The following TUT7 variants were observed in gnomAD, a reference collection of about 807,000 sequenced individuals.
TUT7 encodes the protein terminal uridylyltransferase 7.
TUT7 carries 33 observed loss-of-function variants against 165.9 expected under a neutral mutation model. The ratio of observed to expected loss-of-function variants is 0.20; its 90% CI spans 0.15 to 0.27. TUT7 has a LOEUF of 0.27. Among genes scored for constraint, TUT7 ranks in the 10% least tolerant of loss-of-function variants. TUT7 has a pLI of 1.00. For missense variants in TUT7, 1,338 were observed against 1,762.3 expected (o/e 0.76, Z 4.31); for synonymous variants, 552 against 608.1 (o/e 0.91, Z 1.36).
At chr9:86,314,572 C>A (rs2131380596) in intron 17 of TUT7, among the ~76,000 whole-genome samples, 1 of 152,314 alleles carries the variant, frequency 6.6e-6, no homozygotes, top group African/African-American at 2.4e-5. Context: ...ATCCTTACTT[C>A]CTACTTGCAG....
chr9:86,307,562 T>TA (rs540586827), intron 22 of TUT7, among the ~76,000 whole-genome samples: 3 of 152,162 alleles, frequency 2.0e-5, no homozygotes, highest in Non-Finnish European at 2.9e-5. Flanking sequence ...TTATTAAAAT[T>TA]AAAAAAATAT....
intron 17 of TUT7, among the ~76,000 whole-genome samples, chr9:86,316,564 T>G (rs768496590): frequency 3.3e-5 from 5 of 152,242 alleles, no homozygotes; most frequent in Admixed American, 6.5e-5. Flanking sequence ...AATTAGCAAC[T>G]CCTACACTTT....
In TUT7 at chr9:86,323,823, G is replaced by T; in HGVS notation, c.1927C>A (p.Pro643Thr). 6.2e-7 allele frequency: 1 copy of T among 1,613,972 alleles called. No homozygotes were observed. The highest frequency in any genetic ancestry group is 8.5e-7 in the Non-Finnish European group (1 of 1,179,870). The change falls in exon 13 of 27, where the codon CCT becomes ACT. Residue 643 changes from proline to threonine, a missense_variant. By Grantham distance (38) the Pro-to-Thr change is conservative. Transcript: ENST00000375963. ...HKITKSSLLK[P>T]LNAITCISEH... ...GAAATACATGTAATTGCATTCAGAGGCTTTAGAAGGCTGGATTTTGTAATT... is the reference window on the plus strand; with the variant it reads ...GAAATACATGTAATTGCATTCAGAGTCTTTAGAAGGCTGGATTTTGTAATT...
chr9:86,317,176 T>C, intron 17 of TUT7, 43 bp downstream of exon 17: 2 of 1,568,574 alleles, frequency 1.3e-6, no homozygotes, highest in Non-Finnish European at 1.8e-6. Flanking sequence ...AAAACACTAA[T>C]TAAAAAGTCA....
chr9:86,309,631 C>A, intron 19 of TUT7, 55 bp from the exon 20 acceptor site: 1 of 1,381,142 alleles, frequency 7.2e-7, no homozygotes, highest in South Asian at 1.2e-5. Flanking sequence ...GCTAACTTTG[C>A]ATCCATTCTG....
chr9:86,313,165 TAAA>T (rs905368264), intron 17 of TUT7, among the ~76,000 whole-genome samples: 1 of 138,734 alleles, frequency 7.2e-6, no homozygotes, highest in Non-Finnish European at 1.6e-5. Flanking sequence ...AATAAATAAA[TAAA>T]AAGAATTATC....
chr9:86,336,848 CAGAA>C (rs1396328016), intron 10 of TUT7: 3 of 152,164 alleles, frequency 2.0e-5, no homozygotes, highest in Admixed American at 6.5e-5. Flanking sequence ...TTAATTTATC[CAGAA>C]AGAAAGAGTG....
chr9:86,309,613 T>C (rs2131349182), intron 19 of TUT7, 37 bp from the exon 20 acceptor site: 3 of 1,486,022 alleles, frequency 2.0e-6, no homozygotes, highest in East Asian at 4.5e-5. Flanking sequence ...AGGAAAGGTC[T>C]GTTTTCTGCT....
chr9:86,307,918 C>T (rs1827661665), intron 22 of TUT7, among the ~76,000 whole-genome samples: 1 of 152,072 alleles, frequency 6.6e-6, no homozygotes, highest in Non-Finnish European at 1.5e-5. Context: ...TGCTTGAACC[C>T]AGGAGGCGGA....
intron 2 of TUT7, among the ~76,000 whole-genome samples, chr9:86,348,150 C>A (rs1280485023): frequency 6.6e-6 from 1 of 152,088 alleles, no homozygotes; most frequent in African/African-American, 2.4e-5. Flanking sequence ...TCCATATAAC[C>A]ATATTTGCTG....
In TUT7 at chr9:86,305,197, C is replaced by T; in HGVS notation, c.3881G>A (p.Arg1294Lys). ...TGACAAACGAAGTAACTCACTTTTC[C>T]TTGATAATCCAGCTCCAAGATTATG... ...LNHNLGAGLSRKMTNFIMKAF... is the reference protein window; with the variant it reads ...LNHNLGAGLSKKMTNFIMKAF... The change falls in exon 23 of 27, where the codon AGG becomes AAG. Residue 1294 changes from arginine to lysine, a missense_variant. Transcript: ENST00000375963. 6.3e-7 allele frequency: 1 copy of T among 1,598,738 alleles called. No homozygotes were observed. Among genetic ancestry groups the T allele is most frequent in the Non-Finnish European group, 8.5e-7 (1 of 1,175,126 alleles).
chr9:86,290,602 G>A (rs945077926), intron 26 of TUT7, among the ~76,000 whole-genome samples: 1 of 151,576 alleles, frequency 6.6e-6, no homozygotes, highest in South Asian at 2.1e-4. Flanking sequence ...AGCACTTTGG[G>A]AGGCCAAGGC....
rs891500797 is a variant in TUT7 at position 86,311,759 on chromosome 9, G to A, written c.3275-950C>T. On this transcript the variant is annotated intron_variant, in intron 17 of 26. Transcript: ENST00000375963. This position sits in a 1 kb window ranked among gnomAD's most constrained non-coding sequence, Gnocchi z 4.4. Reference sequence around the variant, plus strand: ...CTCAGCCTGCCGAGTGCCTGCGATTGCAGGTGCGCGCCGCCACGCCTGACT... The same window carrying A: ...CTCAGCCTGCCGAGTGCCTGCGATTACAGGTGCGCGCCGCCACGCCTGACT... 6.6e-6 allele frequency among the ~76,000 whole-genome samples: 1 copy of A among 152,164 alleles called. No homozygotes were observed. Among genetic ancestry groups the A allele is most frequent in the Non-Finnish European group, 1.5e-5 (1 of 68,038 alleles).
intron 14 of TUT7, 37 bp downstream of exon 14, chr9:86,322,288 A>C (rs746540392): frequency 6.3e-6 from 10 of 1,577,822 alleles, no homozygotes; most frequent in Non-Finnish European, 8.7e-6. Context: ...TGTCAATTTA[A>C]TATTTTGACA....
intron 17 of TUT7, 36 bp from the exon 18 acceptor site, chr9:86,310,845 G>A (rs1455808863): frequency 1.7e-6 from 2 of 1,196,866 alleles, no homozygotes; most frequent in South Asian, 2.4e-5. Context: ...ATTAAATACA[G>A]CAGCTGGGGA....
chr9:86,309,701 G>T, intron 19 of TUT7, 125 bp from the exon 20 acceptor site: 1 of 956,004 alleles, frequency 1.0e-6, no homozygotes, highest in Non-Finnish European at 1.6e-6. Context: ...ATTGTCAAAG[G>T]CAAAACCAAT....
chr9:86,306,823 A>G (rs1827544395), intron 22 of TUT7, among the ~76,000 whole-genome samples: 1 of 152,132 alleles, frequency 6.6e-6, no homozygotes, highest in Admixed American at 6.5e-5. Flanking sequence ...ACAAACGACT[A>G]CTATCACCAC....
At position 86,311,989 on chromosome 9, in the gene TUT7, G is replaced by A. The variant is rs924396404; in HGVS notation, c.3275-1180C>T. ...CCGCTACAACCTCCACCTCCCAGCC[G>A]CCTGCCTTGGCCTCCCAAAGTGCTG... On this transcript the variant is annotated intron_variant, in intron 17 of 26. Transcript: ENST00000375963. This position sits in a 1 kb window ranked among gnomAD's most constrained non-coding sequence, Gnocchi z 4.4. 3.3e-5 allele frequency among the ~76,000 whole-genome samples: 5 copies of A among 152,176 alleles called. No homozygotes were observed. Among genetic ancestry groups the A allele is most frequent in the East Asian group, 1.9e-4 (1 of 5,180 alleles).
At chr9:86,294,548 C>T (rs1308525848) in intron 26 of TUT7, among the ~76,000 whole-genome samples, 1 of 149,218 alleles carries the variant, frequency 6.7e-6, no homozygotes, top group Admixed American at 6.7e-5. Flanking sequence ...AATTTGCTAT[C>T]ATAAAGAATA....
Sources: allele counts gnomAD v4.1 joint callset (sites outside exome capture counted in the v4.1 genomes callset), GRCh38; gene constraint gnomAD v4.1.1; non-coding constraint Gnocchi (gnomAD v3.1); transcripts MANE v1.5; gene names NCBI Gene and HGNC (gene_info 2026-07-23, HGNC 2026-07-21).